Variants in RBBP6 observed in about 807,000 individuals in gnomAD.
The protein encoded by RBBP6 is E3 ubiquitin-protein ligase RBBP6.
In RBBP6, 25 loss-of-function variants were observed where a neutral mutation model predicts 167.7. The ratio of observed to expected loss-of-function variants is 0.15; its 90% CI spans 0.11 to 0.21. RBBP6 has a LOEUF of 0.21. Ranked by LOEUF, RBBP6 falls within the 10% of genes least tolerant of loss-of-function variation. The probability of loss-of-function intolerance (pLI) is 1.00; values close to 1 mark genes in which losing one functional copy is unlikely to be tolerated. For missense variants in RBBP6, 1,868 were observed against 2,134.2 expected (o/e 0.88, Z 2.46); for synonymous variants, 789 against 735.8 (o/e 1.07, Z -1.17).
In RBBP6 at chr16:24,569,652, G is replaced by A; in HGVS notation, c.2962G>A (p.Asp988Asn). The A allele has an allele frequency of 6.2e-7, 1 of 1,613,246 alleles. No homozygotes were observed. The highest frequency in any genetic ancestry group is 8.5e-7 in the Non-Finnish European group (1 of 1,179,824). ...TAGAGATGATGCCACACCTGTTAGA[G>A]ATGAACCAATGGATGCAGAATCAAT... ...PSRDDATPVR[D>N]EPMDAESITF... The change falls in exon 17 of 18, where the codon GAT becomes AAT. Residue 988 changes from aspartate (D) to asparagine (N), a missense_variant. Transcript: ENST00000319715.
rs573326910 is a variant in RBBP6 at position 24,547,878 on chromosome 16, T to C, written c.267-1067T>C. On this transcript the variant is annotated intron_variant, in intron 2 of 17. Transcript: ENST00000319715. Reference sequence around the variant, plus strand: ...TTTCTGTAGATTTTTTGATAGAAACTCTTAAGAATTATTTGAAGTACATGG... The same window carrying C: ...TTTCTGTAGATTTTTTGATAGAAACCCTTAAGAATTATTTGAAGTACATGG... Among the ~76,000 whole-genome samples the C allele has an allele frequency of 3.3e-5, 5 of 152,354 alleles. No individual in the cohort carries two copies. In the South Asian group the frequency reaches 1.0e-3, roughly 32 times the overall value.
rs779115590 is a variant in RBBP6, at chr16:24,570,979, G to A, written c.3913G>A (p.Ala1305Thr). Residue 1305 changes from alanine to threonine, a missense_variant, in exon 18 of 18, where the codon GCG becomes ACG. By Grantham distance (58) the Ala-to-Thr change is moderately conservative. This residue lies in a region of RBBP6 where 19 missense variants were observed against 40.5 expected (regional missense o/e 0.47). Coordinates refer to ENST00000319715, the MANE Select transcript of RBBP6 (RefSeq NM_006910.5). Reference protein sequence around the residue: ...TMEEYNNDNTAPAEDVIIMIQ... With the variant: ...TMEEYNNDNTTPAEDVIIMIQ... ...GGAAGAATATAATAATGACAATACC[G>A]CGCCAGCTGAAGATGTTATCATTAT... 34 of 1,611,794 alleles carry A rather than the reference G, an allele frequency of 2.1e-5. No homozygotes were observed. The highest frequency in any genetic ancestry group is 4.0e-5 in the African/African-American group (3 of 74,878).
At position 24,571,661 on chromosome 16, in the gene RBBP6, GTAATTC is replaced by G; in HGVS notation, c.4598_4603del (p.Asn1533_Ser1534del). ...AAAGGAACAGGAGATTCCAAAAAAAGTAATTCTAGTCCCTCAAGAGACAGAAAACCT... is the reference window on the plus strand; with the variant it reads ...AAAGGAACAGGAGATTCCAAAAAAAGTAGTCCCTCAAGAGACAGAAAACCT... On this transcript the variant is annotated inframe_deletion, in exon 18 of 18. Coordinates refer to ENST00000319715, the MANE Select transcript of RBBP6 (RefSeq NM_006910.5). The G allele has an allele frequency of 6.2e-7, 1 of 1,613,556 alleles. No homozygotes were observed. Among genetic ancestry groups the G allele is most frequent in the Non-Finnish European group, 8.5e-7 (1 of 1,179,880 alleles).
intron 3 of RBBP6, among the ~76,000 whole-genome samples, chr16:24,552,314 C>T (rs1337069620): frequency 6.6e-6 from 1 of 151,810 alleles, no homozygotes; most frequent in Non-Finnish European, 1.5e-5. Context: ...CTTTGGGGCT[C>T]TTAAGTCATG....
chr16:24,545,321 C>G (rs1250682914), intron 1 of RBBP6, among the ~76,000 whole-genome samples: 2 of 152,164 alleles, frequency 1.3e-5, no homozygotes, highest in East Asian at 1.9e-4. Context: ...ATCCGCCCCC[C>G]TCAGCCTCCC....
Position 24,571,242 on chromosome 16 carries a change from A to G in RBBP6, c.4176A>G (p.Ser1392=), listed in dbSNP as rs774000723. Reference sequence around the variant, plus strand: ...TCATACAACATGAGGTTAAAAGTTCAAAAAACTCTGCATCTAGTGAAAAAG... The same window carrying G: ...TCATACAACATGAGGTTAAAAGTTCGAAAAACTCTGCATCTAGTGAAAAAG... The part of the protein sequence containing the change: ...HEIIQHEVKS[S]KNSASSEKGK... Residue 1392 remains serine, a synonymous_variant, in exon 18 of 18, where the codon TCA becomes TCG. Transcript: ENST00000319715. 1.1e-5 allele frequency: 17 copies of G among 1,612,590 alleles called. No individual in the cohort carries two copies. Among genetic ancestry groups the G allele is most frequent in the Non-Finnish European group, 1.0e-5 (12 of 1,179,700 alleles).
At chr16:24,550,611 G>A (rs2097518034) in intron 3 of RBBP6, among the ~76,000 whole-genome samples, 1 of 151,536 alleles carries the variant, frequency 6.6e-6, no homozygotes, top group African/African-American at 2.4e-5. Flanking sequence ...ATTAGCATGT[G>A]TATAAACACA....
chr16:24,556,835 G>T (rs1295143140), intron 7 of RBBP6, among the ~76,000 whole-genome samples: 1 of 152,142 alleles, frequency 6.6e-6, no homozygotes, highest in Non-Finnish European at 1.5e-5. Flanking sequence ...TAAAAGCTCT[G>T]CATGATGTTG....
chr16:24,563,230 G>A lies in RBBP6; in HGVS notation c.1321G>A (p.Ala441Thr). 6.2e-7 allele frequency: 1 copy of A among 1,610,226 alleles called. No individual in the cohort carries two copies. The highest frequency in any genetic ancestry group is 2.2e-5 in the East Asian group (1 of 44,706). Residue 441 changes from alanine to threonine, a missense_variant, in exon 11 of 18, where the codon GCT (alanine) becomes ACT (threonine). Physicochemically the swap from Ala to Thr is moderately conservative, Grantham distance 58. This residue lies in a region of RBBP6 where 245 missense variants were observed against 240.1 expected (regional missense o/e 1.02). Coordinates refer to ENST00000319715, the MANE Select transcript of RBBP6 (RefSeq NM_006910.5). Reference sequence around the variant, plus strand: ...TGATAATAAAATATTGCCAGCTGCAGCTCTTGCATCAGAGCACTCAAAGGG... The same window carrying A: ...TGATAATAAAATATTGCCAGCTGCAACTCTTGCATCAGAGCACTCAAAGGG... ...DSDNKILPAAALASEHSKGTS... is the reference protein window; with the variant it reads ...DSDNKILPAATLASEHSKGTS...
intron 13 of RBBP6, 71 bp downstream of exon 13, chr16:24,563,735 A>G (rs1234743697): frequency 1.5e-5 from 22 of 1,459,808 alleles, no homozygotes; most frequent in East Asian, 1.4e-4. Flanking sequence ...CAAACTAGGC[A>G]AACTAGATAA....
chr16:24,546,074 C>T, intron 1 of RBBP6, 89 bp from the exon 2 acceptor site: 1 of 1,452,682 alleles, frequency 6.9e-7, no homozygotes, highest in Non-Finnish European at 9.0e-7. Context: ...AAAGTCATTT[C>T]CCATGAAATT....
intron 10 of RBBP6, 48 bp downstream of exon 10, chr16:24,562,209 T>C (rs1286896468): frequency 6.7e-7 from 1 of 1,487,178 alleles, no homozygotes; most frequent in Non-Finnish European, 9.3e-7. Context: ...AGGTCAATGA[T>C]GTAGTGTTTT....
Position 24,570,894 on chromosome 16 carries a change from C to T in RBBP6, c.3828C>T (p.Gly1276=), listed in dbSNP as rs760183115. ...VDYTSTSSTG[G]SPVRKSEEKT... is the part of the protein sequence containing the mutation. ...TTTTTAGTACGAGCTCAACTGGAGG[C>T]AGTCCTGTGCGGAAATCTGAAGAAA... Residue 1276 remains glycine, a synonymous_variant, in exon 18 of 18, where the codon GGC becomes GGT. Transcript: ENST00000319715. 4.5e-6 allele frequency: 7 copies of T among 1,561,932 alleles called. 1 individual carries two copies. In the South Asian group the frequency reaches 6.1e-5, roughly 14 times the overall value.
Position 24,561,870 on chromosome 16 carries a change from G to A in RBBP6, c.998G>A (p.Arg333Gln), listed in dbSNP as rs1191001461. ...GAAACTGGCTATACAAAAAGACTACGAAAACAGTTACCTCCTCCACCACCC... is the reference window on the plus strand; with the variant it reads ...GAAACTGGCTATACAAAAAGACTACAAAAACAGTTACCTCCTCCACCACCC... ...KNETGYTKRL[R>Q]KQLPPPPPPI... The change falls in exon 10 of 18, where the codon CGA (arginine) becomes CAA (glutamine). Residue 333 changes from arginine to glutamine, a missense_variant. Transcript: ENST00000319715. The A allele has an allele frequency of 5.0e-6, 8 of 1,613,130 alleles. No individual in the cohort carries two copies. Among genetic ancestry groups the A allele is most frequent in the Admixed American group, 1.7e-5 (1 of 59,876 alleles).
intron 10 of RBBP6, among the ~76,000 whole-genome samples, 172 bp downstream of exon 10, chr16:24,562,333 T>C (rs1258481372): frequency 1.3e-5 from 2 of 152,166 alleles, no homozygotes; most frequent in East Asian, 3.9e-4. Context: ...ACAAACGTGA[T>C]TGATTTGGCA....
chr16:24,557,277 T>C (rs1352646990), intron 7 of RBBP6, among the ~76,000 whole-genome samples: 1 of 152,180 alleles, frequency 6.6e-6, no homozygotes, highest in East Asian at 1.9e-4. Context: ...CCACCACGTC[T>C]GGCCCTTAAT....
intron 2 of RBBP6, among the ~76,000 whole-genome samples, chr16:24,546,546 CCTTT>C (rs1161930868): frequency 6.6e-6 from 1 of 152,114 alleles, no homozygotes; most frequent in Non-Finnish European, 1.5e-5. Context: ...TATTTCTGTG[CCTTT>C]CTTTGACTAC....
At position 24,570,987 on chromosome 16, in the gene RBBP6, T is replaced by C. The variant is rs375759247; in HGVS notation, c.3921T>C (p.Ala1307=). ...EEYNNDNTAP[A]EDVIIMIQVP... is the part of the protein sequence containing the mutation. ...ATAATAATGACAATACCGCGCCAGCTGAAGATGTTATCATTATGATTCAGG... is the reference window on the plus strand; with the variant it reads ...ATAATAATGACAATACCGCGCCAGCCGAAGATGTTATCATTATGATTCAGG... Residue 1307 remains alanine, a synonymous_variant, in exon 18 of 18, where the codon GCT becomes GCC. Transcript: ENST00000319715. 2.0e-5 allele frequency: 32 copies of C among 1,612,548 alleles called. No homozygotes were observed. The African/African-American group carries it at 3.9e-4, about 20-fold the overall frequency.
intron 8 of RBBP6, among the ~76,000 whole-genome samples, chr16:24,561,267 AG>A (rs1345807634): frequency 1.3e-5 from 2 of 151,448 alleles, no homozygotes; most frequent in East Asian, 3.9e-4. Flanking sequence ...AAAAAAAAAA[AG>A]ATGGGGTGGG....
Sources: allele counts gnomAD v4.1 joint callset (sites outside exome capture counted in the v4.1 genomes callset), GRCh38; gene constraint gnomAD v4.1.1; regional missense constraint gnomAD v4.1.1; transcripts MANE v1.5; gene names NCBI Gene and HGNC (gene_info 2026-07-23, HGNC 2026-07-21).